Variants in EPCAM observed in about 807,000 individuals in gnomAD.
The protein encoded by EPCAM is adenocarcinoma-associated antigen.
A neutral mutation model predicts 40.0 loss-of-function variants in EPCAM; 39 were observed. The ratio of observed to expected loss-of-function variants is 0.98; its 90% confidence interval spans 0.76 to 1.27. EPCAM has a LOEUF of 1.27. EPCAM is among the 50% of genes most tolerant of loss of function. The pLI is 0.00. For missense variants in EPCAM, 503 were observed against 381.2 expected, an observed-to-expected ratio of 1.32 and a Z score of -2.66; for synonymous variants, 168 against 132.3, an observed-to-expected ratio of 1.27 and a Z score of -1.85.
intron 3 of EPCAM, among the ~76,000 whole-genome samples, chr2:47,374,994 T>G (rs1483180933): frequency 6.6e-6 from 1 of 152,222 alleles, no homozygotes; most frequent in Non-Finnish European, 1.5e-5. Flanking sequence ...AGCTAAACTT[T>G]GACTTAATGT....
intron 1 of EPCAM, among the ~76,000 whole-genome samples, chr2:47,371,468 G>A (rs1671264976): frequency 6.6e-6 from 1 of 152,210 alleles, no homozygotes; most frequent in Admixed American, 6.5e-5. Context: ...GTGGAGTGGC[G>A]TTTGCCAAAG....
chr2:47,381,890 C>T (rs969371819), intron 7 of EPCAM, among the ~76,000 whole-genome samples: 2 of 152,104 alleles, frequency 1.3e-5, no homozygotes, highest in African/African-American at 4.8e-5. Flanking sequence ...ACCTATCCTC[C>T]CAAGTAGCAA....
Position 47,373,867 on chromosome 2 carries a change from G to A in EPCAM, c.244G>A (p.Ala82Thr), listed in dbSNP as rs769626395. 3 of 1,614,064 alleles carry A rather than the reference G, an allele frequency of 1.9e-6. No individual in the cohort carries two copies. In the Admixed American group the frequency reaches 5.0e-5, roughly 27 times the overall value. Residue 82 changes from alanine to threonine, a missense_variant, in exon 3 of 9, where the codon GCA (alanine) becomes ACA (threonine). By Grantham distance (58) the Ala-to-Thr change is moderately conservative. Coordinates refer to ENST00000263735, the MANE Select transcript of EPCAM (RefSeq NM_002354.3). ...EMNGSKLGRR[A>T]KPEGALQNND... ...GAATGGCTCAAAACTTGGGAGAAGA[G>A]CAAAACCTGAAGGGGCCCTCCAGAA...
chr2:47,381,344 A>T (rs563265749), intron 7 of EPCAM, among the ~76,000 whole-genome samples: 2 of 148,180 alleles, frequency 1.3e-5, no homozygotes, highest in Non-Finnish European at 3.0e-5. Context: ...TGCAGCTGAG[A>T]TCATGCCATT....
chr2:47,381,619 G>A (rs1425583422), intron 7 of EPCAM, among the ~76,000 whole-genome samples: 4 of 152,072 alleles, frequency 2.6e-5, no homozygotes, highest in Non-Finnish European at 5.9e-5. Context: ...GTTGGGCAGT[G>A]TATCCATTTT....
rs141843322 is a variant in EPCAM, at chr2:47,373,833, G to A, written c.210G>A (p.Lys70=). 1 of 1,613,942 alleles carries A rather than the reference G, an allele frequency of 6.2e-7. No individual in the cohort carries two copies. Among genetic ancestry groups the A allele is most frequent in the African/African-American group, 1.3e-5 (1 of 74,872 alleles). Residue 70 remains lysine (K), a synonymous_variant, in exon 3 of 9, where the codon AAG becomes AAA. Coordinates refer to ENST00000263735, the MANE Select transcript of EPCAM (RefSeq NM_002354.3). ...SKLAAKCLVM[K]AEMNGSKLGR... ...TGGCTGCCAAATGTTTGGTGATGAAGGCAGAAATGAATGGCTCAAAACTTG... is the reference window on the plus strand; with the variant it reads ...TGGCTGCCAAATGTTTGGTGATGAAAGCAGAAATGAATGGCTCAAAACTTG...
intron 7 of EPCAM, among the ~76,000 whole-genome samples, chr2:47,383,782 G>A (rs1158361028): frequency 6.6e-6 from 1 of 150,470 alleles, no homozygotes; most frequent in Non-Finnish European, 1.5e-5. Flanking sequence ...CTACAGGCGT[G>A]CACCACCATA....
chr2:47,378,804 A>T, intron 5 of EPCAM, 149 bp from the exon 6 acceptor site: 1 of 587,470 alleles, frequency 1.7e-6, no homozygotes, highest in Non-Finnish European at 3.0e-6. Context: ...ATTAGTGATA[A>T]ACTTAGTTAT....
intron 5 of EPCAM, among the ~76,000 whole-genome samples, chr2:47,378,363 G>A (rs1671484427): frequency 6.8e-6 from 1 of 146,124 alleles, no homozygotes; most frequent in African/African-American, 2.5e-5. Context: ...GTGCAATGGC[G>A]CCATCTCGGC....
chr2:47,380,096 A>G (rs1321912552), intron 7 of EPCAM, 127 bp downstream of exon 7: 1 of 1,477,996 alleles, frequency 6.8e-7, no homozygotes, highest in Non-Finnish European at 9.2e-7. Flanking sequence ...CAGGTGGATC[A>G]CTTGAGCCCA....
At chr2:47,374,881 A>G (rs1254049623) in intron 3 of EPCAM, among the ~76,000 whole-genome samples, 1 of 151,854 alleles carries the variant, frequency 6.6e-6, no homozygotes, top group African/African-American at 2.4e-5. Context: ...CAGGCAATCC[A>G]CCCACCTCCA....
At chr2:47,376,978 C>T (rs2103753114) in intron 4 of EPCAM, 36 bp from the exon 5 acceptor site, 1 of 1,416,026 alleles carries the variant, frequency 7.1e-7, no homozygotes, top group Non-Finnish European at 1.0e-6. Context: ...GTGGTACAAA[C>T]ATTTTTTTTT....
chr2:47,370,166 A>T (rs1329404950), intron 1 of EPCAM, among the ~76,000 whole-genome samples: 1 of 152,230 alleles, frequency 6.6e-6, no homozygotes, highest in African/African-American at 2.4e-5. Context: ...TGCCAGGCTT[A>T]TTGTAGGGAA....
intron 7 of EPCAM, among the ~76,000 whole-genome samples, chr2:47,383,607 CTTTTTTTTTTTTTTTTTTTTTTTTT>C (rs760722807): frequency 2.3e-3 from 84 of 36,470 alleles, no homozygotes; most frequent in East Asian, 6.0e-3. Flanking sequence ...CCGGCTTCTT[CTTTTTTTTTTTTTTTTTTTTTTTTT>C]TTTTTTTTTT....
intron 3 of EPCAM, among the ~76,000 whole-genome samples, chr2:47,374,490 A>G (rs1396954054): frequency 1.3e-5 from 2 of 152,172 alleles, no homozygotes; most frequent in African/African-American, 4.8e-5. Flanking sequence ...CACTCAAGCT[A>G]GCTTAAGCAA....
intron 1 of EPCAM, chr2:47,369,828 G>A (rs1476656643): frequency 3.1e-6 from 2 of 638,526 alleles, no homozygotes; most frequent in African/African-American, 1.8e-5. Context: ...ATGGCCTTGG[G>A]CGGAGGCGGG....
intron 5 of EPCAM, chr2:47,377,873 C>G (rs1282126834): frequency 4.9e-6 from 2 of 404,852 alleles, no homozygotes; most frequent in Admixed American, 3.6e-5. Context: ...TGTGACGGAA[C>G]TCTTTAAAGG....
rs62139669 is a variant in EPCAM, at chr2:47,386,560, T to G, written c.904-12T>G. On this transcript the variant is annotated splice_polypyrimidine_tract_variant and intron_variant, in intron 8 of 8. Transcript: ENST00000263735. ...TATTTAGAATTTTTTTCTGTGCTTT[T>G]TCCTGTTTCAGATAAAGGAGATGGG... is the stretch of plus-strand genomic sequence containing the variant. 1 of 1,593,340 alleles carries G rather than the reference T, an allele frequency of 6.3e-7. No homozygotes were observed. The highest frequency in any genetic ancestry group is 8.6e-7 in the Non-Finnish European group (1 of 1,165,374).
rs552520979 is a variant in EPCAM, at chr2:47,381,002, C to G, written c.858+1033C>G. Among the ~76,000 whole-genome samples, 25 of 137,108 alleles carry G rather than the reference C, an allele frequency of 1.8e-4. No individual in the cohort carries two copies. In the South Asian group the frequency reaches 5.6e-3, roughly 31 times the overall value. 89.9% of individuals were successfully genotyped at this position (137,108 alleles called of 152,430 possible). ...TCGGGAGGCTGAGGCAGGAGAATAG[C>G]TTGAACCTGGGAAGCAGAGGTTGTA... On this transcript the variant is annotated intron_variant, in intron 7 of 8. Transcript: ENST00000263735.
Sources: gnomAD v4.1 joint callset for allele counts (sites outside exome capture counted in the v4.1 genomes callset) on GRCh38, gnomAD v4.1.1 for gene constraint, MANE v1.5 for transcripts, NCBI Gene and HGNC (gene_info 2026-07-23, HGNC 2026-07-21) for gene names.